The following HYCC1 variants were observed in gnomAD, a reference collection of about 807,000 sequenced individuals.
HYCC1 encodes hyccin PI4KA lipid kinase complex subunit 1, also known as hyccin.
chr7:22,939,498 A>G, the HYCC1 span: 1 of 152,206 alleles, frequency 6.6e-6, no homozygotes, highest in African/African-American at 2.4e-5. Context: ...GCATTTTACC[A>G]TGCTTTTACT....
the HYCC1 span, among the ~76,000 whole-genome samples, chr7:22,993,506 A>G: frequency 8.7e-3 from 1,322 of 152,314 alleles, 17 homozygotes; most frequent in African/African-American, 0.03. Context: ...ATACATGGCA[A>G]AAGTCTCATA....
chr7:22,915,273 ACTTGCCTCT>A, the HYCC1 span, among the ~76,000 whole-genome samples: 3 of 152,200 alleles, frequency 2.0e-5, no homozygotes, highest in Admixed American at 2.0e-4. Flanking sequence ...AGTTGCAATT[ACTTGCCTCT>A]GCTGTGAGAG....
chr7:22,977,333 T>C, the HYCC1 span: 1 of 1,511,210 alleles, frequency 6.6e-7, no homozygotes, highest in Non-Finnish European at 9.2e-7. Context: ...TGATAAAATG[T>C]CACTTACTTC....
At chr7:22,925,983 C>T in the HYCC1 span, among the ~76,000 whole-genome samples, 1 of 152,180 alleles carries the variant, frequency 6.6e-6, no homozygotes, top group Non-Finnish European at 1.5e-5. Context: ...CAGCTGATCT[C>T]TCGGCAGAAA....
the HYCC1 span, chr7:22,935,068 T>TAA: frequency 6.6e-6 from 1 of 152,222 alleles, no homozygotes; most frequent in African/African-American, 2.4e-5. Context: ...CCTCTTATGT[T>TAA]AACTCTTTTC....
At chr7:22,978,504 CTA>C in the HYCC1 span, 6 of 1,371,588 alleles carry the variant, frequency 4.4e-6, no homozygotes, top group East Asian at 4.7e-5. Flanking sequence ...AATGGAACTA[CTA>C]TATGAAGTAT....
chr7:22,979,619 C>A, the HYCC1 span, among the ~76,000 whole-genome samples: 1 of 152,124 alleles, frequency 6.6e-6, no homozygotes, highest in African/African-American at 2.4e-5. Context: ...CATCAATAAT[C>A]TTGAATTGTG....
chr7:22,903,144 A>G, the HYCC1 span, among the ~76,000 whole-genome samples: 5 of 152,192 alleles, frequency 3.3e-5, no homozygotes, highest in Non-Finnish European at 7.4e-5. Context: ...TAAAGCAGCC[A>G]CTGTGGAAAA....
chr7:23,011,885 C>G, the HYCC1 span, among the ~76,000 whole-genome samples: 1 of 152,158 alleles, frequency 6.6e-6, no homozygotes, highest in African/African-American at 2.4e-5. Flanking sequence ...CTGTGTGCTC[C>G]CAACTCCACC....
chr7:22,927,581 C>T, the HYCC1 span, among the ~76,000 whole-genome samples: 5 of 152,136 alleles, frequency 3.3e-5, no homozygotes, highest in Non-Finnish European at 5.9e-5. Context: ...ACTAGAAGAT[C>T]TAGAAGAAAT....
At chr7:22,964,155 C>T in the HYCC1 span, among the ~76,000 whole-genome samples, 1 of 151,202 alleles carries the variant, frequency 6.6e-6, no homozygotes, top group Non-Finnish European at 1.5e-5. Context: ...TTAAGTGTTA[C>T]TGATTTTCAT....
At chr7:22,896,544 C>T in the HYCC1 span, among the ~76,000 whole-genome samples, 2 of 152,186 alleles carry the variant, frequency 1.3e-5, no homozygotes, top group Non-Finnish European at 2.9e-5. Context: ...AATTTACTGA[C>T]AAACTCCTAA....
chr7:22,991,266 C>T, the HYCC1 span: 4 of 612,854 alleles, frequency 6.5e-6, no homozygotes, highest in Admixed American at 1.2e-4. Context: ...ACATAAATTA[C>T]TAAATTCATT....
chr7:22,965,283 T>C, the HYCC1 span, among the ~76,000 whole-genome samples: 1 of 152,016 alleles, frequency 6.6e-6, no homozygotes, highest in East Asian at 1.9e-4. Flanking sequence ...TCAAACTTCA[T>C]GCAGTATACC....
chr7:23,013,964 C>T, the HYCC1 span: 1 of 470,920 alleles, frequency 2.1e-6, no homozygotes, highest in East Asian at 6.9e-5. Flanking sequence ...GACCTCGACT[C>T]GTGAGGCTCT....
the HYCC1 span, among the ~76,000 whole-genome samples, chr7:22,954,869 G>C: frequency 6.6e-6 from 1 of 151,390 alleles, no homozygotes; most frequent in African/African-American, 2.4e-5. Flanking sequence ...CAAAAGTAGG[G>C]AAACATTGAA....
the HYCC1 span, chr7:22,937,564 C>T: frequency 1.8e-4 from 27 of 152,282 alleles, no homozygotes; most frequent in African/African-American, 6.3e-4. Context: ...TCATTTTCAT[C>T]TCCATGAAGA....
At chr7:22,926,046 G>C in the HYCC1 span, among the ~76,000 whole-genome samples, 1 of 152,282 alleles carries the variant, frequency 6.6e-6, no homozygotes, top group South Asian at 2.1e-4. Context: ...TTAAAGAAAA[G>C]AATTTTCAAC....
At chr7:22,984,262 C>A in the HYCC1 span, among the ~76,000 whole-genome samples, 2 of 151,948 alleles carry the variant, frequency 1.3e-5, no homozygotes, top group East Asian at 1.9e-4. Flanking sequence ...TATCAAAAAC[C>A]AAGGCAAGGT....
Sources: allele counts gnomAD v4.1 joint callset (sites outside exome capture counted in the v4.1 genomes callset), GRCh38; gene constraint gnomAD v4.1.1; transcripts MANE v1.5; gene names NCBI Gene and HGNC (gene_info 2026-07-23, HGNC 2026-07-21).